The following GRM8 variants were observed in gnomAD, a reference collection of about 807,000 sequenced individuals.
The protein encoded by GRM8 is glutamate metabotropic receptor 8.
A neutral mutation model predicts 87.2 loss-of-function variants in GRM8; 47 were observed. The observed-to-expected ratio is 0.54, with a 90% CI of 0.43 to 0.69. The LOEUF is 0.69. Ranked by LOEUF, GRM8 falls within the 30% of genes least tolerant of loss-of-function variation. The pLI, the probability that GRM8 is intolerant of heterozygous loss-of-function variation, is 0.00. For synonymous variants in GRM8, 396 were observed against 404.5 expected, an observed-to-expected ratio of 0.98 and a Z score of 0.25; for missense variants, 1,019 against 1,139.2, an observed-to-expected ratio of 0.89 and a Z score of 1.52.
At chr7:126,922,220 CTAGAT>C (rs1238981884) in intron 3 of GRM8, among the ~76,000 whole-genome samples, 5 of 152,064 alleles carry the variant, frequency 3.3e-5, no homozygotes, top group Non-Finnish European at 7.4e-5. Context: ...TTTTAGTACA[CTAGAT>C]TAACTGCAAC....
intron 2 of GRM8, among the ~76,000 whole-genome samples, chr7:127,225,028 A>C (rs969581763): frequency 5.3e-5 from 8 of 152,220 alleles, no homozygotes; most frequent in Non-Finnish European, 1.2e-4. Flanking sequence ...TACACTCTAA[A>C]GCAATATAGA....
chr7:127,184,930 A>G (rs1794654339), intron 2 of GRM8, among the ~76,000 whole-genome samples: 1 of 152,020 alleles, frequency 6.6e-6, no homozygotes, highest in African/African-American at 2.4e-5. Context: ...GAAAATATGT[A>G]TAAGATCTAT....
intron 3 of GRM8, among the ~76,000 whole-genome samples, chr7:126,916,717 A>T (rs1803944417): frequency 6.6e-6 from 1 of 152,242 alleles, no homozygotes; most frequent in African/African-American, 2.4e-5. Context: ...TTTAAGAAAG[A>T]AGAAACTGAT....
intron 2 of GRM8, among the ~76,000 whole-genome samples, chr7:127,206,182 C>T (rs980642216): frequency 6.6e-6 from 1 of 152,212 alleles, no homozygotes; most frequent in Admixed American, 6.5e-5. Context: ...GGATGATCAG[C>T]TCTTGTGGGT....
chr7:126,651,344 T>G (rs11770766), intron 7 of GRM8, among the ~76,000 whole-genome samples: 3 of 152,090 alleles, frequency 2.0e-5, no homozygotes. Flanking sequence ...GAAGTCACAA[T>G]TAAAATGCCA....
intron 2 of GRM8, among the ~76,000 whole-genome samples, chr7:127,147,802 G>T (rs549287320): frequency 6.6e-6 from 1 of 151,942 alleles, no homozygotes; most frequent in Non-Finnish European, 1.5e-5. Flanking sequence ...CCCAGAGAAA[G>T]AATATTAGAG....
At chr7:126,649,891 T>C (rs897721682) in intron 7 of GRM8, among the ~76,000 whole-genome samples, 1 of 152,182 alleles carries the variant, frequency 6.6e-6, no homozygotes, top group Non-Finnish European at 1.5e-5. Context: ...CAATGGTGCC[T>C]GAGGTATCAG....
At chr7:126,980,412 C>T (rs1811404137) in intron 3 of GRM8, among the ~76,000 whole-genome samples, 1 of 152,178 alleles carries the variant, frequency 6.6e-6, no homozygotes. Context: ...GTGGATCCAT[C>T]CCCACAGCAG....
intron 9 of GRM8, among the ~76,000 whole-genome samples, chr7:126,459,714 G>A (rs1345105258): frequency 6.6e-6 from 1 of 151,390 alleles, no homozygotes; most frequent in Non-Finnish European, 1.5e-5. Flanking sequence ...TTATCCCTGG[G>A]CTATCTCTGG....
chr7:127,079,050 T>C (rs1391981729), intron 3 of GRM8, among the ~76,000 whole-genome samples: 2 of 152,244 alleles, frequency 1.3e-5, no homozygotes, highest in Non-Finnish European at 2.9e-5. Flanking sequence ...CCAACCATGA[T>C]ATATAAGCAT....
intron 6 of GRM8, among the ~76,000 whole-genome samples, chr7:126,785,698 T>C (rs1463468378): frequency 6.6e-6 from 1 of 152,004 alleles, no homozygotes; most frequent in African/African-American, 2.4e-5. Flanking sequence ...GAGCTCTACC[T>C]GTCACCTGGA....
chr7:126,770,961 T>C (rs1277205320), intron 6 of GRM8, among the ~76,000 whole-genome samples: 1 of 151,912 alleles, frequency 6.6e-6, no homozygotes, highest in African/African-American at 2.4e-5. Flanking sequence ...ATTTGGTAGA[T>C]GGCAAGAATG....
At chr7:127,086,756 G>A (rs962732403) in intron 3 of GRM8, among the ~76,000 whole-genome samples, 7 of 152,344 alleles carry the variant, frequency 4.6e-5, no homozygotes, top group Admixed American at 4.6e-4. Context: ...TAGCCAGGGT[G>A]CAGTGCATCT....
intron 3 of GRM8, among the ~76,000 whole-genome samples, chr7:126,987,590 A>G (rs185308435): frequency 5.9e-5 from 9 of 152,130 alleles, no homozygotes; most frequent in Admixed American, 2.6e-4. Context: ...CCTCCCGAGT[A>G]CCTGGGAGTA....
At chr7:126,472,133 G>A (rs373027593) in intron 9 of GRM8, among the ~76,000 whole-genome samples, 1 of 152,122 alleles carries the variant, frequency 6.6e-6, no homozygotes, top group Non-Finnish European at 1.5e-5. Flanking sequence ...TCATCTGCAA[G>A]CAGGGACAAT....
chr7:126,834,970 G>A (rs553733045), intron 6 of GRM8, among the ~76,000 whole-genome samples: 2 of 151,836 alleles, frequency 1.3e-5, no homozygotes, highest in East Asian at 3.9e-4. Flanking sequence ...CAGCTATTTG[G>A]GAGGCTGAGG....
intron 7 of GRM8, among the ~76,000 whole-genome samples, chr7:126,695,684 C>T (rs899152294): frequency 2.3e-4 from 35 of 152,102 alleles, no homozygotes; most frequent in Non-Finnish European, 1.2e-4. Flanking sequence ...GGTTTTTATT[C>T]GGCTTGCTAA....
intron 8 of GRM8, among the ~76,000 whole-genome samples, chr7:126,569,748 T>A (rs927786434): frequency 1.3e-5 from 2 of 152,200 alleles, no homozygotes; most frequent in Non-Finnish European, 2.9e-5. Flanking sequence ...GTCTCATCCA[T>A]TTAGAAAGAA....
At chr7:127,208,695 T>C (rs1796051334) in intron 2 of GRM8, among the ~76,000 whole-genome samples, 1 of 152,180 alleles carries the variant, frequency 6.6e-6, no homozygotes, top group Non-Finnish European at 1.5e-5. Context: ...ACCTTGCTTG[T>C]TCATCTCAAC....
Sources: allele counts gnomAD v4.1 joint callset (sites outside exome capture counted in the v4.1 genomes callset), GRCh38; gene constraint gnomAD v4.1.1; transcripts MANE v1.5; gene names NCBI Gene and HGNC (gene_info 2026-07-23, HGNC 2026-07-21).